The following TRDN variants were observed in gnomAD, a reference collection of about 807,000 sequenced individuals.
The protein encoded by TRDN is triadin.
Under a neutral mutation model 149.7 loss-of-function variants are expected in TRDN, and 161 were observed. The observed-to-expected ratio is 1.08, with a 90% CI of 0.95 to 1.23. The LOEUF (loss-of-function observed/expected upper bound fraction) is 1.23. TRDN is among the 50% of genes most tolerant of loss of function. The pLI, the probability that TRDN is intolerant of heterozygous loss-of-function variation, is 0.00. For missense variants in TRDN, 896 were observed against 823.5 expected (o/e 1.09, Z -1.08); for synonymous variants, 294 against 250.5 (o/e 1.17, Z -1.64).
intron 14 of TRDN, among the ~76,000 whole-genome samples, chr6:123,382,822 G>A (rs946873138): frequency 9.2e-5 from 14 of 151,976 alleles, no homozygotes; most frequent in African/African-American, 3.4e-4. Flanking sequence ...CTATTATTTA[G>A]GCCATGAAAC....
At chr6:123,273,269 G>T in intron 28 of TRDN, 68 bp downstream of exon 28, 2 of 1,030,580 alleles carry the variant, frequency 1.9e-6, no homozygotes, top group South Asian at 1.8e-5. Context: ...GAAAATACAT[G>T]ATTTTGAAAA....
chr6:123,529,022 A>G, intron 5 of TRDN: 1 of 1,348,324 alleles, frequency 7.4e-7, no homozygotes, highest in Non-Finnish European at 9.5e-7. Context: ...TGCTAGTTTA[A>G]TAAACCTACT....
chr6:123,254,897 T>C, intron 37 of TRDN, 184 bp downstream of exon 37: 1 of 525,670 alleles, frequency 1.9e-6, no homozygotes, highest in Non-Finnish European at 3.5e-6. Flanking sequence ...TCTTCATGTT[T>C]TCTTATTTTC....
chr6:123,520,825 T>C (rs750040597), intron 5 of TRDN, among the ~76,000 whole-genome samples: 1 of 152,154 alleles, frequency 6.6e-6, no homozygotes, highest in Admixed American at 6.5e-5. Context: ...GTGCACACTC[T>C]TCTGGTTTCC....
chr6:123,549,127 T>A (rs1329306898), intron 2 of TRDN, among the ~76,000 whole-genome samples: 1 of 152,074 alleles, frequency 6.6e-6, no homozygotes, highest in East Asian at 1.9e-4. Flanking sequence ...AAGTTAGTGA[T>A]CATATCAAGC....
chr6:123,513,438 CTT>C (rs200887822), intron 6 of TRDN, among the ~76,000 whole-genome samples: 1 of 151,242 alleles, frequency 6.6e-6, no homozygotes, highest in Non-Finnish European at 1.5e-5. Flanking sequence ...AAATTCCTAA[CTT>C]TTTTTTTAAC....
chr6:123,329,223 T>C (rs1386439144), intron 23 of TRDN, among the ~76,000 whole-genome samples: 1 of 152,118 alleles, frequency 6.6e-6, no homozygotes, highest in African/African-American at 2.4e-5. Flanking sequence ...AGAGAATAAA[T>C]TAGAACATGG....
intron 32 of TRDN, 33 bp downstream of exon 32, chr6:123,267,673 TA>T: frequency 7.0e-7 from 1 of 1,434,476 alleles, no homozygotes; most frequent in Non-Finnish European, 9.5e-7. Context: ...ATAGTGAACA[TA>T]AGACAGAATA....
intron 1 of TRDN, 22 bp downstream of exon 1, chr6:123,636,732 T>C: frequency 5.0e-6 from 8 of 1,611,008 alleles, no homozygotes; most frequent in Non-Finnish European, 6.8e-6. Flanking sequence ...TACTTGATAC[T>C]ATCGGAAAAT....
chr6:123,271,500 T>C lies in TRDN; in HGVS notation c.1673-314A>G, dbSNP rs535428536. Among the ~76,000 whole-genome samples, 102 of 152,090 alleles carry C rather than the reference T, an allele frequency of 6.7e-4. 1 individual carries two copies. Among genetic ancestry groups the C allele is most frequent in the South Asian group, 4.8e-3 (23 of 4,824 alleles). ...ATTTATCTGCCCAGAGGTACTGCTTTATAAAATATATGTTCCCTTACTATT... is the reference window on the plus strand; with the variant it reads ...ATTTATCTGCCCAGAGGTACTGCTTCATAAAATATATGTTCCCTTACTATT... On this transcript the variant is annotated intron_variant, in intron 29 of 40. Transcript: ENST00000334268.
At position 123,601,286 on chromosome 6, in the gene TRDN, A is replaced by G. The variant is rs371174649; in HGVS notation, c.23-30154T>C. Among the ~76,000 whole-genome samples, 8 of 152,158 alleles carry G rather than the reference A, an allele frequency of 5.3e-5. No homozygotes were observed. In the East Asian group the frequency reaches 1.5e-3, roughly 29 times the overall value. ...TTGACAAGTCTGACTTTTGAGGACC[A>G]AAATTTATCAACTTTCTATGAACAG... On this transcript the variant is annotated intron_variant, in intron 1 of 40. Coordinates refer to ENST00000334268, the MANE Select transcript of TRDN (RefSeq NM_006073.4).
rs532062999 is a variant in TRDN at position 123,501,956 on chromosome 6, TC to T, written c.793+1762del. 1,117 of 985,112 alleles carry T rather than the reference TC, an allele frequency of 1.1e-3. 2 individuals carry two copies. Among genetic ancestry groups the T allele is most frequent in the Non-Finnish European group, 1.3e-3 (1,068 of 829,698 alleles). The allele number at this position is 985,112 out of a possible 1,614,324, so 61.0% of individuals were successfully genotyped here. A position where few individuals can be genotyped will look rare whatever the true frequency, so the allele number is the denominator to read the frequency against. On this transcript the variant is annotated intron_variant, in intron 8 of 40. Transcript: ENST00000334268. ...TGAGTTTTTATCAATAAAATGTGGC[TC>T]CCAAATCCCCAAAGATATGAAAAAT...
chr6:123,369,980 T>C (rs1781260419), intron 19 of TRDN, among the ~76,000 whole-genome samples: 1 of 152,174 alleles, frequency 6.6e-6, no homozygotes, highest in African/African-American at 2.4e-5. Context: ...TCTCTCTGCA[T>C]AGAGCTGCTA....
chr6:123,276,439 A>C (rs938640691), intron 26 of TRDN, among the ~76,000 whole-genome samples: 11 of 152,276 alleles, frequency 7.2e-5, no homozygotes, highest in African/African-American at 2.6e-4. Context: ...CAAAGTATGG[A>C]AGGTGCAAAC....
chr6:123,263,017 AC>A (rs1776824679), intron 33 of TRDN, among the ~76,000 whole-genome samples: 1 of 152,084 alleles, frequency 6.6e-6, no homozygotes, highest in Admixed American at 6.6e-5. Context: ...CTCACTTTAA[AC>A]CAAAAACTAG....
At chr6:123,307,242 A>G (rs1778646514) in intron 24 of TRDN, among the ~76,000 whole-genome samples, 1 of 151,988 alleles carries the variant, frequency 6.6e-6, no homozygotes, top group South Asian at 2.1e-4. Flanking sequence ...TTATCTTTTC[A>G]TTATTCCCAC....
intron 22 of TRDN, among the ~76,000 whole-genome samples, chr6:123,333,028 T>C (rs1204288584): frequency 6.6e-6 from 1 of 152,116 alleles, no homozygotes; most frequent in African/African-American, 2.4e-5. Flanking sequence ...TGGTGTTGTG[T>C]ATAAATAGTG....
chr6:123,597,791 CAT>C (rs1393421293), intron 1 of TRDN, among the ~76,000 whole-genome samples: 1 of 151,980 alleles, frequency 6.6e-6, no homozygotes, highest in Non-Finnish European at 1.5e-5. Flanking sequence ...TATTTTTAGA[CAT>C]AATGTAATTA....
In TRDN at chr6:123,382,167, T is replaced by A; in HGVS notation, c.1136-20A>T. On this transcript the variant is annotated intron_variant, in intron 14 of 40. Transcript: ENST00000334268. ...TGGAATCTGAAAACACAAAGATAAA[T>A]TATTAATAAAACAGATACAATAAAT... The A allele has an allele frequency of 6.8e-7, 1 of 1,480,218 alleles. No individual in the cohort carries two copies. The highest frequency in any genetic ancestry group is 9.0e-7 in the Non-Finnish European group (1 of 1,106,932). 91.7% of individuals were successfully genotyped at this position (1,480,218 alleles called of 1,614,324 possible).
Sources: gnomAD v4.1 joint callset for allele counts (sites outside exome capture counted in the v4.1 genomes callset) on GRCh38, gnomAD v4.1.1 for gene constraint, MANE v1.5 for transcripts, NCBI Gene and HGNC (gene_info 2026-07-23, HGNC 2026-07-21) for gene names.